The following FAIM2 variants were observed in gnomAD, a reference collection of about 807,000 sequenced individuals.
The protein encoded by FAIM2 is protein lifeguard 2.
In FAIM2, 27 loss-of-function variants were observed where a neutral mutation model predicts 47.4. The observed-to-expected ratio is 0.57, with a 90% CI of 0.42 to 0.78. The LOEUF (loss-of-function observed/expected upper bound fraction) is 0.78. FAIM2 is among the 30% of genes least tolerant of loss of function. The probability of loss-of-function intolerance (pLI) is 0.00; values close to 1 mark genes in which losing one functional copy is unlikely to be tolerated. For missense variants in FAIM2, 311 were observed against 389.4 expected, an observed-to-expected ratio of 0.80 and a Z score of 1.69; for synonymous variants, 156 against 159.3, an observed-to-expected ratio of 0.98 and a Z score of 0.16.
chr12:49,895,098 C>T (rs1006864791), intron 5 of FAIM2, among the ~76,000 whole-genome samples: 2 of 151,970 alleles, frequency 1.3e-5, no homozygotes, highest in South Asian at 2.1e-4. Flanking sequence ...GGCAGGTTTT[C>T]TGGAGGAAAA....
chr12:49,895,554 T>G (rs1331696567), intron 5 of FAIM2, among the ~76,000 whole-genome samples: 1 of 152,102 alleles, frequency 6.6e-6, no homozygotes, highest in Non-Finnish European at 1.5e-5. Flanking sequence ...CTGGCCCAGG[T>G]GGTAGTCTCT....
At chr12:49,879,602 G>A (rs1037885798) in intron 11 of FAIM2, among the ~76,000 whole-genome samples, 20 of 151,748 alleles carry the variant, frequency 1.3e-4, no homozygotes, top group Non-Finnish European at 2.5e-4. Context: ...GTGTGCATGC[G>A]AGTGTATGTG....
intron 11 of FAIM2, among the ~76,000 whole-genome samples, chr12:49,877,962 A>G (rs529618793): frequency 1.5e-5 from 2 of 137,784 alleles, no homozygotes; most frequent in South Asian, 2.2e-4. Flanking sequence ...ATGTGTGTGT[A>G]TGTGTATGTG....
chr12:49,890,961 C>T lies in FAIM2; in HGVS notation c.485+103G>A. 4 of 1,186,936 alleles carry T rather than the reference C, an allele frequency of 3.4e-6. No individual in the cohort carries two copies. The Admixed American group carries it at 5.1e-5, about 15-fold the overall frequency. The allele number at this position is 1,186,936 out of a possible 1,614,324, so 73.5% of individuals were successfully genotyped here. On this transcript the variant is annotated intron_variant, in intron 6 of 11. Coordinates refer to ENST00000320634, the MANE Select transcript of FAIM2 (RefSeq NM_012306.4). ...TAGAGGCCCAGAGAGGGATGGGGCC[C>T]TCTCAGGGCTGCACAGCTCACTGGT...
intron 10 of FAIM2, 101 bp downstream of exon 10, chr12:49,888,992 AGGCTGTGGGGCCTT>A: frequency 1.3e-6 from 1 of 754,374 alleles, no homozygotes; most frequent in Admixed American, 2.0e-5. Context: ...ACAGGATGGC[AGGCTGTGGGGCCTT>A]GGCTCCTGGC....
Position 49,874,292 on chromosome 12 carries a change from C to T in FAIM2, c.802-3639G>A, listed in dbSNP as rs929005711. 6.6e-6 allele frequency among the ~76,000 whole-genome samples: 1 copy of T among 152,148 alleles called. No homozygotes were observed. The highest frequency in any genetic ancestry group is 1.5e-5 in the Non-Finnish European group (1 of 68,022). Reference sequence around the variant, plus strand: ...CCCAGACCAACACTTGATCTCATCTCCCTCTCCCCATTTGCCCTGGGAGGT... The same window carrying T: ...CCCAGACCAACACTTGATCTCATCTTCCTCTCCCCATTTGCCCTGGGAGGT... On this transcript the variant is annotated intron_variant, in intron 11 of 11. Transcript: ENST00000320634. This position sits in a 1 kb window ranked among gnomAD's most constrained non-coding sequence, Gnocchi z 4.2.
intron 9 of FAIM2, 98 bp downstream of exon 9, chr12:49,889,382 TC>T (rs995657751): frequency 8.5e-7 from 1 of 1,180,062 alleles, no homozygotes; most frequent in Non-Finnish European, 1.3e-6. Flanking sequence ...TTTACTTCTC[TC>T]CCCAGCCCCA....
intron 5 of FAIM2, among the ~76,000 whole-genome samples, chr12:49,896,088 A>C (rs1194403612): frequency 3.3e-5 from 5 of 152,168 alleles, no homozygotes; most frequent in African/African-American, 4.8e-5. Flanking sequence ...CTGCGTGTAC[A>C]GGCTCACTCC....
At chr12:49,878,552 A>G (rs1237345450) in intron 11 of FAIM2, among the ~76,000 whole-genome samples, 1 of 58,982 alleles carries the variant, frequency 1.7e-5, no homozygotes, top group African/African-American at 1.0e-4. Context: ...ATGTGCGTGC[A>G]TGTGTGAGTG....
intron 11 of FAIM2, among the ~76,000 whole-genome samples, chr12:49,886,207 C>T (rs1054605115): frequency 6.6e-6 from 1 of 152,194 alleles, no homozygotes; most frequent in Non-Finnish European, 1.5e-5. Context: ...CTGGGTGGGT[C>T]CTAAAACACG....
rs1423785515 is a variant in FAIM2 at position 49,870,533 on chromosome 12, GGAA to G, written c.919_921del (p.Phe307del). ...TCTCGGTTAGTGCCAAAAAGCTGCA[GGAA>G]GAAGGTGAAGATATAGATGATGTCT... On this transcript the variant is annotated inframe_deletion, in exon 12 of 12. Transcript: ENST00000320634. The G allele has an allele frequency of 6.2e-7, 1 of 1,614,006 alleles. No individual in the cohort carries two copies. Among genetic ancestry groups the G allele is most frequent in the South Asian group, 1.1e-5 (1 of 91,072 alleles).
intron 2 of FAIM2, among the ~76,000 whole-genome samples, chr12:49,899,342 G>A (rs529099878): frequency 6.6e-6 from 1 of 152,210 alleles, no homozygotes; most frequent in Admixed American, 6.5e-5. Flanking sequence ...CCCAGCAGTA[G>A]CCTCTGTCTT....
chr12:49,884,764 G>A (rs937231265), intron 11 of FAIM2, among the ~76,000 whole-genome samples: 1 of 152,216 alleles, frequency 6.6e-6, no homozygotes, highest in Non-Finnish European at 1.5e-5. Flanking sequence ...CACGAGGTCA[G>A]GAGATCGAGA....
intron 11 of FAIM2, among the ~76,000 whole-genome samples, chr12:49,878,601 T>TGTGCATGTGTATGTGTGCAA (rs1468081619): frequency 3.8e-5 from 1 of 26,096 alleles, no homozygotes; most frequent in Admixed American, 3.5e-4. Flanking sequence ...TATGTGTATG[T>TGTGCATGTGTATGTGTGCAA]GTGCATGTGT....
chr12:49,872,637 A>G (rs2137078155), intron 11 of FAIM2, among the ~76,000 whole-genome samples: 1 of 152,320 alleles, frequency 6.6e-6, no homozygotes, highest in Middle Eastern at 3.4e-3. Flanking sequence ...ACAGGGAGCA[A>G]TTCCAGCACA....
At chr12:49,886,249 C>T (rs1435289080) in intron 11 of FAIM2, among the ~76,000 whole-genome samples, 1 of 152,176 alleles carries the variant, frequency 6.6e-6, no homozygotes, top group Admixed American at 6.5e-5. Flanking sequence ...CCCACCTGAG[C>T]AGGAGGCCTG....
intron 4 of FAIM2, 107 bp from the exon 5 acceptor site, chr12:49,897,191 G>T: frequency 2.0e-6 from 2 of 1,008,536 alleles, no homozygotes; most frequent in Non-Finnish European, 3.2e-6. Flanking sequence ...TTGAGAGGAA[G>T]CCAAAGGAAT....
At chr12:49,881,836 T>C (rs1452061150) in intron 11 of FAIM2, among the ~76,000 whole-genome samples, 1 of 152,154 alleles carries the variant, frequency 6.6e-6, no homozygotes, top group African/African-American at 2.4e-5. Flanking sequence ...GGGTGAGGCC[T>C]AGGAGGGGCC....
intron 11 of FAIM2, among the ~76,000 whole-genome samples, chr12:49,871,654 C>T (rs1282005737): frequency 2.8e-5 from 4 of 143,850 alleles, no homozygotes; most frequent in Admixed American, 2.2e-4. Flanking sequence ...AATTTTTTTT[C>T]TTTTCTTTTC....
Sources: gnomAD v4.1 joint callset for allele counts (sites outside exome capture counted in the v4.1 genomes callset) on GRCh38, gnomAD v4.1.1 for gene constraint, Gnocchi (gnomAD v3.1) non-coding constraint, MANE v1.5 for transcripts, NCBI Gene and HGNC (gene_info 2026-07-23, HGNC 2026-07-21) for gene names.